Variants in CRYM observed in about 807,000 individuals in gnomAD.
CRYM encodes the protein ketimine reductase mu-crystallin.
Under a neutral mutation model 32.9 loss-of-function variants are expected in CRYM, and 18 were observed. The observed-to-expected ratio is 0.55, with a 90% CI of 0.38 to 0.81. The LOEUF (loss-of-function observed/expected upper bound fraction) is 0.81. CRYM is among the 30% of genes least tolerant of loss of function. The probability of loss-of-function intolerance (pLI) is 0.00; values close to 1 mark genes in which losing one functional copy is unlikely to be tolerated. For missense variants in CRYM, 337 were observed against 393.5 expected (o/e 0.86, Z 1.21); for synonymous variants, 153 against 152.4 (o/e 1.00, Z -0.03).
upstream of CRYM, among the ~76,000 whole-genome samples, chr16:21,280,067 A>G (rs1250740076): frequency 6.6e-6 from 1 of 152,132 alleles, no homozygotes; most frequent in Non-Finnish European, 1.5e-5. Flanking sequence ...ATTACATCAC[A>G]TTTATTGGGT....
chr16:21,260,795 A>C (rs1222986471), intron 7 of CRYM, among the ~76,000 whole-genome samples: 1 of 152,196 alleles, frequency 6.6e-6, no homozygotes, highest in Non-Finnish European at 1.5e-5. Context: ...GGGAATGAAC[A>C]GGGCTTAGGC....
chr16:21,261,374 C>G, intron 6 of CRYM, 36 bp from the exon 7 acceptor site: 1 of 1,574,404 alleles, frequency 6.4e-7, no homozygotes. Context: ...AGGCATGAAG[C>G]TAAAGTCTGT....
intron 1 of CRYM, chr16:21,284,069 G>C (rs926417853): frequency 6.6e-6 from 1 of 152,180 alleles, no homozygotes; most frequent in Non-Finnish European, 1.5e-5. Flanking sequence ...GCCCGTGGTC[G>C]GCGCGCGGAG....
intron 6 of CRYM, 83 bp from the exon 7 acceptor site, chr16:21,261,421 T>G: frequency 1.1e-6 from 1 of 876,838 alleles, no homozygotes; most frequent in Non-Finnish European, 1.9e-6. Flanking sequence ...AGGGAATTCC[T>G]GAATTGGATA....
chr16:21,281,382 C>T (rs1020641405), upstream of CRYM, among the ~76,000 whole-genome samples: 1 of 151,708 alleles, frequency 6.6e-6, no homozygotes, highest in South Asian at 2.1e-4. Flanking sequence ...ATGCCACCAC[C>T]CCCGGCTAAT....
At chr16:21,284,356 C>G (rs1597625167) in intron 1 of CRYM, among the ~76,000 whole-genome samples, 1 of 151,990 alleles carries the variant, frequency 6.6e-6, no homozygotes, top group South Asian at 2.1e-4. Flanking sequence ...CTTTTTTACC[C>G]TTCAAAGTGC....
At chr16:21,287,577 C>G (rs1462187157) in intron 1 of CRYM, among the ~76,000 whole-genome samples, 1 of 152,240 alleles carries the variant, frequency 6.6e-6, no homozygotes, top group African/African-American at 2.4e-5. Flanking sequence ...ATCCTCACCC[C>G]TGATCTCCAG....
At position 21,285,321 on chromosome 16, in the gene CRYM, G is replaced by A. The variant is rs1170009139; in HGVS notation, c.-192-6361C>T. ...TAAATTTTGGATTAGACTTTTAAAAGTCTTGAGGCTAGGAAGCCAAACCAA... is the reference window on the plus strand; with the variant it reads ...TAAATTTTGGATTAGACTTTTAAAAATCTTGAGGCTAGGAAGCCAAACCAA... On this transcript the variant is annotated intron_variant, in intron 1 of 9. Coordinates refer to the CRYM transcript ENST00000219599. Among the ~76,000 whole-genome samples, 3 of 152,200 alleles carry A rather than the reference G, an allele frequency of 2.0e-5. No homozygotes were observed. The South Asian group carries it at 6.2e-4, about 31-fold the overall frequency.
chr16:21,273,519 A>T (rs1430382768), intron 3 of CRYM, among the ~76,000 whole-genome samples: 2 of 152,168 alleles, frequency 1.3e-5, no homozygotes, highest in Non-Finnish European at 2.9e-5. Context: ...TGGTTTCCAG[A>T]CCTGGTTGAT....
chr16:21,261,831 A>G, intron 6 of CRYM: 1 of 580,432 alleles, frequency 1.7e-6, no homozygotes, highest in South Asian at 2.0e-5. Context: ...CCTTCCAGGA[A>G]CACACATGTC....
At chr16:21,260,676 G>A (rs1369317320) in intron 7 of CRYM, among the ~76,000 whole-genome samples, 1 of 152,164 alleles carries the variant, frequency 6.6e-6, no homozygotes, top group Admixed American at 6.6e-5. Flanking sequence ...CTGGCCACTG[G>A]GAGCCCACCC....
intron 4 of CRYM, chr16:21,268,560 AT>A (rs1315187380): frequency 1.3e-5 from 2 of 152,220 alleles, no homozygotes; most frequent in Non-Finnish European, 2.9e-5. Flanking sequence ...AACAAACTTT[AT>A]GTCTAAGCAA....
At chr16:21,290,185 T>C (rs1167484829) in intron 1 of CRYM, among the ~76,000 whole-genome samples, 1 of 152,170 alleles carries the variant, frequency 6.6e-6, no homozygotes, top group Non-Finnish European at 1.5e-5. Flanking sequence ...GGAACTTTTT[T>C]CTTTTGCTGT....
At chr16:21,274,803 A>G (rs2093382787) in intron 3 of CRYM, among the ~76,000 whole-genome samples, 1 of 152,030 alleles carries the variant, frequency 6.6e-6, no homozygotes, top group Admixed American at 6.6e-5. Context: ...ACGAGGTTTC[A>G]CCATGTTGAC....
chr16:21,299,754 G>C (rs1231123878), intron 1 of CRYM: 1 of 152,156 alleles, frequency 6.6e-6, no homozygotes. Context: ...CTATATCATG[G>C]ATACCAAAGA....
rs75735197 is a variant in CRYM at position 21,273,328 on chromosome 16, C to G, written c.387+2204G>C. Among the ~76,000 whole-genome samples the G allele has an allele frequency of 1.0e-3, 157 of 152,264 alleles. 2 individuals carry two copies. The East Asian group carries it at 0.027, about 26-fold the overall frequency. ...CTCAAGGCAACAAGTAAAATAGACC[C>G]TTTGTTCCTTATTGAAACAGTTCAT... On this transcript the variant is annotated intron_variant, in intron 3 of 7. Coordinates refer to ENST00000572914, the MANE Select transcript of CRYM (RefSeq NM_001376256.1).
chr16:21,273,833 C>A (rs1267634937), intron 3 of CRYM, among the ~76,000 whole-genome samples: 32 of 152,222 alleles, frequency 2.1e-4, no homozygotes, highest in Admixed American at 2.0e-3. Context: ...GACAGTAATA[C>A]AAGATTCATT....
chr16:21,275,385 T>A (rs1044588306), intron 3 of CRYM, 147 bp downstream of exon 3: 1 of 694,662 alleles, frequency 1.4e-6, no homozygotes, highest in South Asian at 1.5e-5. Context: ...TTTCGTGAAT[T>A]ACTGATATAT....
intron 1 of CRYM, among the ~76,000 whole-genome samples, chr16:21,286,399 T>G (rs6497545): frequency 0.26 from 39,428 of 150,612 alleles, 5,430 homozygotes; most frequent in African/African-American, 0.34. Flanking sequence ...TTTTTTTTTT[T>G]TTTGTATTTT....
Sources: gnomAD v4.1 joint callset for allele counts (sites outside exome capture counted in the v4.1 genomes callset) on GRCh38, gnomAD v4.1.1 for gene constraint, MANE v1.5 for transcripts, NCBI Gene and HGNC (gene_info 2026-07-23, HGNC 2026-07-21) for gene names.